SLC39A11: variants seen among roughly 807,000 people sequenced by gnomAD.
The protein encoded by SLC39A11 is solute carrier family 39 member 11.
In SLC39A11, 33 loss-of-function variants were observed where a neutral mutation model predicts 36.1. That is an observed-to-expected ratio of 0.91 (90% CI 0.69 to 1.22). The LOEUF (loss-of-function observed/expected upper bound fraction) is 1.22, where lower values mean the gene tolerates loss of function less well. Ranked by LOEUF, SLC39A11 falls within the 50% of genes most tolerant of loss-of-function variation. SLC39A11 has a pLI of 0.00. For synonymous variants in SLC39A11, 166 were observed against 170.3 expected (o/e 0.97, Z 0.20); for missense variants, 432 against 430.3 (o/e 1.00, Z -0.03).
At chr17:72,648,696 G>A in intron 9 of SLC39A11, 107 bp downstream of exon 9, 1 of 1,343,612 alleles carries the variant, frequency 7.4e-7, no homozygotes, top group African/African-American at 1.4e-5. Context: ...GGCAGAGAGG[G>A]GGAGGGAATA....
intron 5 of SLC39A11, among the ~76,000 whole-genome samples, chr17:72,928,813 C>T (rs2084212093): frequency 6.6e-6 from 1 of 152,182 alleles, no homozygotes; most frequent in South Asian, 2.1e-4. Flanking sequence ...TTTTCATCAC[C>T]AAGGATCTTT....
intron 7 of SLC39A11, among the ~76,000 whole-genome samples, chr17:72,692,850 C>A (rs943200450): frequency 6.6e-6 from 1 of 152,168 alleles, no homozygotes; most frequent in African/African-American, 2.4e-5. Flanking sequence ...GGAGCTGAAA[C>A]CTCATGGCTG....
At chr17:72,683,566 G>A (rs2071605291) in intron 7 of SLC39A11, among the ~76,000 whole-genome samples, 1 of 151,864 alleles carries the variant, frequency 6.6e-6, no homozygotes, top group African/African-American at 2.4e-5. Flanking sequence ...CGGACTCCTA[G>A]GCTCAAGTGA....
intron 4 of SLC39A11, among the ~76,000 whole-genome samples, chr17:73,020,981 C>T (rs1223118607): frequency 6.6e-6 from 1 of 151,988 alleles, no homozygotes; most frequent in Non-Finnish European, 1.5e-5. Flanking sequence ...ACGCCCAGCC[C>T]GGAGAGAACA....
intron 4 of SLC39A11, among the ~76,000 whole-genome samples, chr17:72,949,566 C>T (rs953208576): frequency 2.4e-4 from 37 of 152,048 alleles, no homozygotes; most frequent in East Asian, 3.9e-4. Flanking sequence ...TGGTTCACGA[C>T]GGCACAGGCT....
chr17:72,767,688 C>T (rs16977376), intron 6 of SLC39A11, among the ~76,000 whole-genome samples: 20,588 of 152,142 alleles, frequency 0.14, 1,916 homozygotes, highest in African/African-American at 0.26. Flanking sequence ...TGCCTGTGTA[C>T]GTTCCCTTCA....
chr17:72,748,137 C>T (rs1381074513), intron 6 of SLC39A11, among the ~76,000 whole-genome samples: 1 of 152,118 alleles, frequency 6.6e-6, no homozygotes, highest in Non-Finnish European at 1.5e-5. Context: ...GCCTGGCCAA[C>T]ATGGGAAAAC....
Position 72,715,125 on chromosome 17 carries a change from C to T in SLC39A11, c.671+21525G>A, listed in dbSNP as rs554947934. 3.3e-3 allele frequency among the ~76,000 whole-genome samples: 501 copies of T among 152,324 alleles called. 6 individuals are homozygous for T. The highest frequency in any genetic ancestry group is 5.4e-3 in the Non-Finnish European group (365 of 68,028). ...AGGTAAGGGTTGGCTGCATACATCTCATGCACCCAGCCACGAAAGGGGCCC... is the reference window on the plus strand; with the variant it reads ...AGGTAAGGGTTGGCTGCATACATCTTATGCACCCAGCCACGAAAGGGGCCC... On this transcript the variant is annotated intron_variant, in intron 7 of 9. Transcript: ENST00000255559.
chr17:72,951,616 A>G (rs2085871577), intron 4 of SLC39A11, among the ~76,000 whole-genome samples: 1 of 152,322 alleles, frequency 6.6e-6, no homozygotes, highest in African/African-American at 2.4e-5. Flanking sequence ...AGTGTCAGGT[A>G]GTGATAATGC....
chr17:72,979,361 A>C (rs533864300), intron 4 of SLC39A11, among the ~76,000 whole-genome samples: 5 of 129,816 alleles, frequency 3.9e-5, no homozygotes, highest in Admixed American at 1.6e-4. Context: ...AAACAGACTA[A>C]TACAGGGGCT....
In SLC39A11 at chr17:72,778,668, G is replaced by A. The variant is rs966640022; in HGVS notation, c.602-41949C>T. 9.2e-5 allele frequency among the ~76,000 whole-genome samples: 14 copies of A among 152,212 alleles called. 1 individual carries two copies. In the East Asian group the frequency reaches 2.5e-3, roughly 27 times the overall value. ...AGCCACCACCAGCTGCTCTGTCCACGGTAGTGGCGTCTCTATGGATGACAT... is the reference window on the plus strand; with the variant it reads ...AGCCACCACCAGCTGCTCTGTCCACAGTAGTGGCGTCTCTATGGATGACAT... On this transcript the variant is annotated intron_variant, in intron 6 of 9. Coordinates refer to ENST00000255559, the MANE Select transcript of SLC39A11 (RefSeq NM_139177.4).
intron 7 of SLC39A11, among the ~76,000 whole-genome samples, chr17:72,728,193 T>C (rs1278346751): frequency 6.6e-6 from 1 of 152,172 alleles, no homozygotes; most frequent in Non-Finnish European, 1.5e-5. Flanking sequence ...ACGCCTGTAA[T>C]CCCAGCACTT....
chr17:72,875,495 A>T (rs1366481013), intron 5 of SLC39A11, among the ~76,000 whole-genome samples: 1 of 152,140 alleles, frequency 6.6e-6, no homozygotes, highest in Non-Finnish European at 1.5e-5. Context: ...AGTGAGACAG[A>T]GTTTTATGGA....
At chr17:72,834,578 C>T (rs143136608) in intron 6 of SLC39A11, among the ~76,000 whole-genome samples, 327 of 151,798 alleles carry the variant, frequency 2.2e-3, no homozygotes, top group African/African-American at 7.3e-3. Context: ...GCTGAGATTG[C>T]GCCACTGCAC....
intron 4 of SLC39A11, among the ~76,000 whole-genome samples, chr17:73,016,204 C>T (rs1163892660): frequency 6.6e-6 from 1 of 152,162 alleles, no homozygotes; most frequent in Admixed American, 6.6e-5. Flanking sequence ...GCCACTATAT[C>T]ATGTTTCTTA....
At chr17:73,053,667 A>G (rs2059579642) in intron 3 of SLC39A11, among the ~76,000 whole-genome samples, 1 of 152,208 alleles carries the variant, frequency 6.6e-6, no homozygotes, top group Non-Finnish European at 1.5e-5. Context: ...AACCAGGATC[A>G]AACCCAAGCA....
chr17:72,717,460 C>T (rs1037662815), intron 7 of SLC39A11, among the ~76,000 whole-genome samples: 14 of 152,162 alleles, frequency 9.2e-5, no homozygotes, highest in South Asian at 2.1e-4. Flanking sequence ...CTTCCAGCTT[C>T]TGGTGGCCCT....
intron 7 of SLC39A11, among the ~76,000 whole-genome samples, chr17:72,679,553 G>A (rs755915390): frequency 5.3e-5 from 8 of 152,148 alleles, no homozygotes; most frequent in Non-Finnish European, 1.0e-4. Context: ...AGACAGCCGC[G>A]CCCACCTCGG....
intron 7 of SLC39A11, among the ~76,000 whole-genome samples, chr17:72,670,198 C>T (rs1313135833): frequency 2.3e-5 from 2 of 85,132 alleles, no homozygotes; most frequent in Non-Finnish European, 4.8e-5. Context: ...CACACACACA[C>T]ACACACACAC....
Sources: gnomAD v4.1 joint callset for allele counts (sites outside exome capture counted in the v4.1 genomes callset) on GRCh38, gnomAD v4.1.1 for gene constraint, MANE v1.5 for transcripts, NCBI Gene and HGNC (gene_info 2026-07-23, HGNC 2026-07-21) for gene names.